The following CRHBP variants were observed in gnomAD, a reference collection of about 807,000 sequenced individuals.
CRHBP encodes the protein corticotropin releasing hormone binding protein.
A neutral mutation model predicts 34.9 loss-of-function variants in CRHBP; 19 were observed. The observed-to-expected ratio is 0.55, with a 90% CI of 0.38 to 0.80. The LOEUF (loss-of-function observed/expected upper bound fraction) is 0.80, where lower values mean the gene tolerates loss of function less well. Ranked by LOEUF, CRHBP falls within the 30% of genes least tolerant of loss-of-function variation. The pLI is 0.00. For synonymous variants in CRHBP, 154 were observed against 153.4 expected (o/e 1.00, Z -0.03); for missense variants, 328 against 409.2 (o/e 0.80, Z 1.71).
At chr5:76,955,922 TATC>T in intron 4 of CRHBP, 59 bp downstream of exon 4, 1 of 1,476,112 alleles carries the variant, frequency 6.8e-7, no homozygotes, top group South Asian at 1.2e-5. Flanking sequence ...TTGAAAGTAG[TATC>T]ATTGCACAGA....
chr5:76,967,933 G>A (rs923465660), intron 6 of CRHBP, among the ~76,000 whole-genome samples: 5 of 151,916 alleles, frequency 3.3e-5, no homozygotes, highest in Admixed American at 1.3e-4. Flanking sequence ...TCCTGACCTC[G>A]TGATCCACCC....
chr5:76,958,316 C>T (rs1289625969), intron 4 of CRHBP, among the ~76,000 whole-genome samples: 2 of 152,038 alleles, frequency 1.3e-5, no homozygotes, highest in Admixed American at 1.3e-4. Flanking sequence ...AAATTATTTA[C>T]TTTATTATTT....
intron 2 of CRHBP, among the ~76,000 whole-genome samples, chr5:76,975,958 GTATA>G (rs146423246): frequency 7.2e-6 from 1 of 138,000 alleles, no homozygotes; most frequent in Non-Finnish European, 1.6e-5. Context: ...ATATATGCGT[GTATA>G]TATATATATA....
Position 76,953,053 on chromosome 5 carries a change from GCT to G in CRHBP, c.-78_-77del. The G allele has an allele frequency of 2.1e-6, 3 of 1,412,818 alleles. No individual in the cohort carries two copies. Among genetic ancestry groups the G allele is most frequent in the Non-Finnish European group, 2.0e-6 (2 of 999,502 alleles). The allele number at this position is 1,412,818 out of a possible 1,614,324, so 87.5% of individuals were successfully genotyped here. On this transcript the variant is annotated 5_prime_UTR_variant, in exon 1 of 7. Transcript: ENST00000274368. ...AGCAAAGGGACCCTACCAGCTTCTAGCTCTCAGTCTGCGCGAGGGTGTAGGAA... is the reference window on the plus strand; with the variant it reads ...AGCAAAGGGACCCTACCAGCTTCTAGCTCAGTCTGCGCGAGGGTGTAGGAA...
chr5:76,956,877 C>A (rs192518945), intron 4 of CRHBP, among the ~76,000 whole-genome samples: 3 of 152,234 alleles, frequency 2.0e-5, no homozygotes, highest in Non-Finnish European at 4.4e-5. Flanking sequence ...AAAGATGGGG[C>A]CTTTATCTGC....
chr5:76,978,433 A>G (rs1429444871), intron 3 of CRHBP, among the ~76,000 whole-genome samples: 1 of 152,126 alleles, frequency 6.6e-6, no homozygotes, highest in Non-Finnish European at 1.5e-5. Flanking sequence ...TGCTGAGTCT[A>G]CTCTGTCTGG....
At chr5:76,965,548 C>T (rs550546068) in intron 6 of CRHBP, among the ~76,000 whole-genome samples, 1 of 152,272 alleles carries the variant, frequency 6.6e-6, no homozygotes, top group South Asian at 2.1e-4. Context: ...GATTGGAGAG[C>T]ACCTTTGAGG....
At chr5:76,980,550 C>T (rs1700668) in intron 3 of CRHBP, among the ~76,000 whole-genome samples, 68,448 of 152,062 alleles carry the variant, frequency 0.45, 17,053 homozygotes, top group African/African-American at 0.67. Context: ...CCTAATGGGA[C>T]AGCTCATTGA....
chr5:76,976,734 A>G (rs1505079), intron 3 of CRHBP, among the ~76,000 whole-genome samples: 24,405 of 152,202 alleles, frequency 0.16, 2,019 homozygotes, highest in South Asian at 0.23. Flanking sequence ...GTCTTTGGTA[A>G]TATAATTTTA....
At position 76,954,157 on chromosome 5, in the gene CRHBP, A is replaced by G. The variant is rs774272979; in HGVS notation, c.304A>G (p.Ile102Val). ...TACCATCCACTACGACCAGGTCTCC[A>G]TCGACTGTCAGGGCGGCGACTTCCT... ...FITIHYDQVS[I>V]DCQGGDFLKV... Residue 102 changes from isoleucine (I) to valine (V), a missense_variant, in exon 3 of 7, where the codon ATC becomes GTC. This residue lies in a region of CRHBP where 173 missense variants were observed against 172.2 expected (regional missense o/e 1.00). Transcript: ENST00000274368. 2.5e-6 allele frequency: 4 copies of G among 1,613,736 alleles called. No individual in the cohort carries two copies. Among genetic ancestry groups the G allele is most frequent in the Non-Finnish European group, 2.5e-6 (3 of 1,179,846 alleles).
chr5:76,954,929 G>C (rs1225352304), intron 3 of CRHBP, among the ~76,000 whole-genome samples: 1 of 152,186 alleles, frequency 6.6e-6, no homozygotes, highest in Non-Finnish European at 1.5e-5. Context: ...ACATGCGTTA[G>C]AAATAATTTG....
At chr5:76,972,737 T>A (rs1745965070), downstream of CRHBP, among the ~76,000 whole-genome samples, 1 of 152,216 alleles carries the variant, frequency 6.6e-6, no homozygotes, top group Non-Finnish European at 1.5e-5. Flanking sequence ...GACTTTCTCC[T>A]AGTATATAAA....
At position 76,955,731 on chromosome 5, in the gene CRHBP, A is replaced by G. The variant is rs375188053; in HGVS notation, c.412A>G (p.Ile138Val). The G allele has an allele frequency of 3.1e-6, 5 of 1,614,112 alleles. No individual in the cohort carries two copies. In the African/African-American group the frequency reaches 4.0e-5, roughly 13 times the overall value. The change falls in exon 4 of 7, where the codon ATA becomes GTA. Residue 138 changes from isoleucine (I) to valine (V), a missense_variant. Physicochemically the swap from Ile to Val is conservative, Grantham distance 29 (BLOSUM62 3). This residue lies in a region of CRHBP where 173 missense variants were observed against 172.2 expected (regional missense o/e 1.00). Coordinates refer to ENST00000274368, the MANE Select transcript of CRHBP (RefSeq NM_001882.4). ...TCCTCTCCCCTCAGCTGAGCGGTAC[A>G]TAGATTTCTGTGAGAGTGGTCTTAG... ...DHPLPSAERYIDFCESGLSRR... is the reference protein window; with the variant it reads ...DHPLPSAERYVDFCESGLSRR...
chr5:76,975,825 A>AAAAAAATATATATATATATATAT, intron 2 of CRHBP, among the ~76,000 whole-genome samples: 2 of 61,838 alleles, frequency 3.2e-5, no homozygotes, highest in African/African-American at 1.8e-4. Flanking sequence ...AAAAAAAAAA[A>AAAAAAATATATATATATATATAT]ATATATATAT....
At chr5:76,960,138 G>A (rs1017305978) in intron 5 of CRHBP, among the ~76,000 whole-genome samples, 12 of 152,218 alleles carry the variant, frequency 7.9e-5, no homozygotes, top group African/African-American at 2.4e-4. Context: ...TACAGAAAAT[G>A]CAGCAGAGTA....
Position 76,979,980 on chromosome 5 carries a change from G to A in CRHBP, n.468-981G>A, listed in dbSNP as rs373845644. The stretch of plus-strand genomic sequence containing the variant: ...GAAAGCAGTGGGGCCGGCCGGGCGC[G>A]GTGGCTCACGCCTGTAATGCCAGCA... On this transcript the variant is annotated intron_variant and non_coding_transcript_variant, in intron 3 of 3. Transcript: ENST00000514258. Among the ~76,000 whole-genome samples the A allele has an allele frequency of 4.1e-5, 6 of 148,008 alleles. No individual in the cohort carries two copies. The South Asian group carries it at 1.3e-3, about 32-fold the overall frequency.
chr5:76,975,316 ATATT>A lies in CRHBP; in HGVS notation n.312-1046_312-1043del, dbSNP rs201190512. Among the ~76,000 whole-genome samples, 834 of 152,308 alleles carry A rather than the reference ATATT, an allele frequency of 5.5e-3. 7 individuals are homozygous for A. The highest frequency in any genetic ancestry group is 0.01 in the Middle Eastern group (3 of 294). ...CCTTTTTCTTCTGTTATCAAAATGT[ATATT>A]TAATTAAGCAAGTAATTCATTAGTA... On this transcript the variant is annotated intron_variant and non_coding_transcript_variant, in intron 2 of 3. Transcript: ENST00000514258.
chr5:76,954,582 C>T (rs895298731), intron 3 of CRHBP, among the ~76,000 whole-genome samples: 1 of 152,142 alleles, frequency 6.6e-6, no homozygotes. Flanking sequence ...CCAAGCGGGC[C>T]GTCTTGGTTA....
chr5:76,967,140 G>A (rs1461264526), intron 6 of CRHBP, among the ~76,000 whole-genome samples: 1 of 152,118 alleles, frequency 6.6e-6, no homozygotes, highest in Non-Finnish European at 1.5e-5. Flanking sequence ...TACTGGAGAG[G>A]CTGAGTTAGG....
Sources: allele counts gnomAD v4.1 joint callset (sites outside exome capture counted in the v4.1 genomes callset), GRCh38; gene constraint gnomAD v4.1.1; regional missense constraint gnomAD v4.1.1; transcripts MANE v1.5; gene names NCBI Gene and HGNC (gene_info 2026-07-23, HGNC 2026-07-21).